Variants in NAE1 observed in about 807,000 individuals in gnomAD.
NAE1 encodes NEDD8 activating enzyme E1 subunit 1.
NAE1 carries 59 observed loss-of-function variants against 88.0 expected under a neutral mutation model. The observed-to-expected ratio is 0.67, with a 90% CI of 0.54 to 0.83. The LOEUF (loss-of-function observed/expected upper bound fraction) is 0.83, where lower values mean the gene tolerates loss of function less well. NAE1 is among the 40% of genes least tolerant of loss of function. The pLI, the probability that NAE1 is intolerant of heterozygous loss-of-function variation, is 0.00. For synonymous variants in NAE1, 186 were observed against 208.9 expected (o/e 0.89, Z 0.95); for missense variants, 554 against 632.8 (o/e 0.88, Z 1.34).
chr16:66,813,971 T>C, intron 11 of NAE1, 125 bp from the exon 12 acceptor site: 3 of 927,750 alleles, frequency 3.2e-6, no homozygotes, highest in South Asian at 1.7e-5. Context: ...AAACTTCTGA[T>C]TGGTTTATAA....
At chr16:66,808,759 C>T (rs186468179) in intron 16 of NAE1, 146 bp from the exon 17 acceptor site, 10 of 687,044 alleles carry the variant, frequency 1.5e-5, no homozygotes, top group East Asian at 1.1e-4. Flanking sequence ...CTGACTTTAA[C>T]TCATACATAT....
intron 17 of NAE1, among the ~76,000 whole-genome samples, chr16:66,807,349 T>C (rs1298887428): frequency 6.6e-6 from 1 of 152,184 alleles, no homozygotes; most frequent in African/African-American, 2.4e-5. Context: ...TTGTTAGGAC[T>C]ATAAACTCTG....
At chr16:66,808,859 G>T in intron 16 of NAE1, 130 bp downstream of exon 16, 1 of 646,916 alleles carries the variant, frequency 1.5e-6, no homozygotes, top group Non-Finnish European at 2.5e-6. Flanking sequence ...GATAAGCTTA[G>T]AATAAAATTA....
intron 1 of NAE1, chr16:66,827,964 G>A: frequency 6.2e-7 from 1 of 1,604,818 alleles, no homozygotes; most frequent in Non-Finnish European, 8.5e-7. Context: ...GGGACTACAG[G>A]CACAAGCCAC....
intron 13 of NAE1, among the ~76,000 whole-genome samples, chr16:66,811,201 A>T (rs528592267): frequency 6.6e-6 from 1 of 152,302 alleles, no homozygotes; most frequent in African/African-American, 2.4e-5. Context: ...TCTGCCACCC[A>T]GGCTGGAGTA....
At chr16:66,828,396 C>T (rs1487842807) in intron 1 of NAE1, among the ~76,000 whole-genome samples, 2 of 151,200 alleles carry the variant, frequency 1.3e-5, no homozygotes, top group East Asian at 3.9e-4. Context: ...GAGGCTGAGG[C>T]ATGAGAATCG....
At chr16:66,816,759 G>A (rs902290557) in intron 10 of NAE1, 87 bp from the exon 11 acceptor site, 1 of 1,292,262 alleles carries the variant, frequency 7.7e-7, no homozygotes. Flanking sequence ...GTCAGATCCT[G>A]CAGAATATTA....
intron 13 of NAE1, among the ~76,000 whole-genome samples, chr16:66,811,066 C>T (rs1959779125): frequency 6.6e-6 from 1 of 152,124 alleles, no homozygotes; most frequent in Non-Finnish European, 1.5e-5. Flanking sequence ...GACAGAGGAC[C>T]TGAAAAAATA....
rs749265069 is a variant in NAE1, at chr16:66,821,549, G to T, written c.412C>A (p.Arg138Ser). 2 of 1,580,032 alleles carry T rather than the reference G, an allele frequency of 1.3e-6. No homozygotes were observed. Among genetic ancestry groups the T allele is most frequent in the Non-Finnish European group, 1.7e-6 (2 of 1,168,852 alleles). ...ATQLPESTSLRLADVLWNSQI... is the reference protein window; with the variant it reads ...ATQLPESTSLSLADVLWNSQI... Reference sequence around the variant, plus strand: ...GAATTCCAGAGGACATCTGCTAAGCGTAGTGAAGTGCTGTTTAAAAAAAAA... The same window carrying T: ...GAATTCCAGAGGACATCTGCTAAGCTTAGTGAAGTGCTGTTTAAAAAAAAA... The change falls in exon 7 of 20, where the codon CGC (arginine) becomes AGC (serine). Residue 138 changes from arginine to serine, a missense_variant. Physicochemically the swap from Arg to Ser is moderately radical, Grantham distance 110. Coordinates refer to ENST00000290810, the MANE Select transcript of NAE1 (RefSeq NM_003905.4).
intron 4 of NAE1, 132 bp from the exon 5 acceptor site, chr16:66,823,732 C>T: frequency 2.8e-6 from 2 of 704,680 alleles, no homozygotes; most frequent in Admixed American, 6.6e-5. Context: ...ACTCTGTTTC[C>T]CTTCTTTTTT....
chr16:66,829,955 G>A (rs1365713394), intron 1 of NAE1, among the ~76,000 whole-genome samples: 1 of 151,932 alleles, frequency 6.6e-6, no homozygotes, highest in Non-Finnish European at 1.5e-5. Flanking sequence ...GCACGATCTC[G>A]GCTCCCTGAA....
intron 7 of NAE1, among the ~76,000 whole-genome samples, chr16:66,820,694 G>A (rs1237370844): frequency 3.3e-5 from 5 of 152,220 alleles, no homozygotes; most frequent in African/African-American, 1.2e-4. Context: ...GAGGTCAGGA[G>A]ATTGAGACCA....
intron 16 of NAE1, 54 bp downstream of exon 16, chr16:66,808,933 TTA>T (rs1959679315): frequency 2.5e-6 from 3 of 1,201,488 alleles, no homozygotes; most frequent in Middle Eastern, 2.2e-4. Flanking sequence ...CACAAAATAT[TTA>T]TATCTTTTAA....
intron 17 of NAE1, among the ~76,000 whole-genome samples, chr16:66,806,811 G>A (rs74569292): frequency 6.6e-6 from 1 of 152,146 alleles, no homozygotes; most frequent in Non-Finnish European, 1.5e-5. Flanking sequence ...ACAGTCCTAT[G>A]AAGTATGTAT....
intron 6 of NAE1, among the ~76,000 whole-genome samples, chr16:66,822,969 T>A (rs1960328134): frequency 1.5e-5 from 2 of 137,602 alleles, no homozygotes; most frequent in Non-Finnish European, 3.1e-5. Flanking sequence ...TGCCCAGCCA[T>A]AAATCTGAAA....
intron 7 of NAE1, among the ~76,000 whole-genome samples, chr16:66,819,626 T>C (rs1253150216): frequency 6.6e-6 from 1 of 152,220 alleles, no homozygotes; most frequent in East Asian, 1.9e-4. Flanking sequence ...CAAATACATA[T>C]TAGATGAGCT....
intron 11 of NAE1, among the ~76,000 whole-genome samples, chr16:66,815,995 A>G (rs1281075006): frequency 6.6e-6 from 1 of 152,160 alleles, no homozygotes; most frequent in Non-Finnish European, 1.5e-5. Context: ...ACTCAGCAAC[A>G]CTGCCTTGTT....
chr16:66,828,216 C>T (rs765007704), intron 1 of NAE1: 32 of 637,490 alleles, frequency 5.0e-5, no homozygotes, highest in African/African-American at 1.6e-4. Flanking sequence ...CTTGGCTGGG[C>T]GCAGTGGCTC....
intron 6 of NAE1, 80 bp from the exon 7 acceptor site, chr16:66,821,639 T>C: frequency 8.4e-7 from 1 of 1,192,366 alleles, no homozygotes; most frequent in Middle Eastern, 2.2e-4. Flanking sequence ...AACATGAAAA[T>C]GTCTTACAGC....
Sources: allele counts gnomAD v4.1 joint callset (sites outside exome capture counted in the v4.1 genomes callset), GRCh38; gene constraint gnomAD v4.1.1; transcripts MANE v1.5; gene names NCBI Gene and HGNC (gene_info 2026-07-23, HGNC 2026-07-21).